Variants in OTC observed in about 807,000 individuals in gnomAD.
The protein encoded by OTC is ornithine transcarbamylase, mitochondrial.
Under a neutral mutation model 30.3 loss-of-function variants are expected in OTC, and 3 were observed. The observed-to-expected ratio is 0.10, with a 90% CI of 0.05 to 0.26. OTC has a LOEUF of 0.26. OTC is among the 10% of genes least tolerant of loss of function. The pLI, the probability that OTC is intolerant of heterozygous loss-of-function variation, is 1.00. For missense variants in OTC, 194 were observed against 260.3 expected, an observed-to-expected ratio of 0.75 and a Z score of 1.75; for synonymous variants, 111 against 99.7, an observed-to-expected ratio of 1.11 and a Z score of -0.67.
chrX:38,344,240 TACAC>T, the OTC span, among the ~76,000 whole-genome samples: 170 of 61,714 alleles, frequency 2.8e-3, no homozygotes, highest in Non-Finnish European at 4.8e-3. Flanking sequence ...TATATATATA[TACAC>T]ACACACACAC....
intron 3 of OTC, among the ~76,000 whole-genome samples, chrX:38,375,955 C>A (rs141403772): frequency 0.022 from 2,461 of 111,572 alleles, 64 homozygotes; most frequent in African/African-American, 0.076. Context: ...TGAGAAGGAG[C>A]AACTACCAAG....
chrX:38,354,416 GAATA>G (rs1326254356), intron 1 of OTC, among the ~76,000 whole-genome samples: 1 of 106,854 alleles, frequency 9.4e-6, no homozygotes, highest in African/African-American at 3.3e-5. Context: ...CCAACTGAAT[GAATA>G]ATCAAAGCCT....
intron 1 of OTC, among the ~76,000 whole-genome samples, chrX:38,359,997 A>G (rs1330872138): frequency 1.9e-5 from 2 of 104,263 alleles, no homozygotes; most frequent in East Asian, 3.0e-4. Context: ...AGCTTACTGC[A>G]ACCTCTGCCT....
intron 4 of OTC, among the ~76,000 whole-genome samples, chrX:38,383,842 T>C (rs1438621554): frequency 1.8e-5 from 2 of 109,244 alleles, no homozygotes; most frequent in Non-Finnish European, 3.8e-5. Flanking sequence ...AAAGAAAACA[T>C]TGACAACATT....
chrX:38,406,134 G>C (rs1312817495), intron 6 of OTC, among the ~76,000 whole-genome samples: 1 of 111,774 alleles, frequency 8.9e-6, no homozygotes. Context: ...GTTTTGCAAA[G>C]TCTTCTGGAA....
chrX:38,395,113 C>T (rs1456184614), intron 4 of OTC, among the ~76,000 whole-genome samples: 1 of 110,923 alleles, frequency 9.0e-6, no homozygotes, highest in Non-Finnish European at 1.9e-5. Flanking sequence ...GCTGAGACTA[C>T]AGTCGCATGC....
rs919205114 is a variant in OTC at position 38,404,275 on chromosome X, C to A, written c.663+535C>A. On this transcript the variant is annotated intron_variant, in intron 6 of 9. Transcript: ENST00000039007. ...CACATGGCTATGAAAATGACCCCTG[C>A]ATACTTCCTACCTTGCTGCTCTCTC... Among the ~76,000 whole-genome samples the A allele has an allele frequency of 9.8e-5, 11 of 112,322 alleles. No homozygotes were observed. In the East Asian group the frequency reaches 2.8e-3, roughly 29 times the overall value.
At chrX:38,376,150 T>A (rs2068346834) in intron 3 of OTC, among the ~76,000 whole-genome samples, 1 of 106,137 alleles carries the variant, frequency 9.4e-6, no homozygotes, top group Admixed American at 1.1e-4. Flanking sequence ...GGTGCAGCAG[T>A]GGTAGGGGAC....
At chrX:38,335,119 C>T in the OTC span, among the ~76,000 whole-genome samples, 5 of 112,081 alleles carry the variant, frequency 4.5e-5, no homozygotes, top group African/African-American at 1.6e-4. Flanking sequence ...AGGCTGGGGG[C>T]CACTGCCCTA....
At chrX:38,348,366 TCTTC>T (rs2068199076), upstream of OTC, among the ~76,000 whole-genome samples, 1 of 111,183 alleles carries the variant, frequency 9.0e-6, no homozygotes, top group Admixed American at 9.6e-5. Context: ...ACTTTAATAA[TCTTC>T]CTTTGACTAC....
intron 4 of OTC, among the ~76,000 whole-genome samples, chrX:38,387,539 G>A (rs773581023): frequency 6.3e-5 from 7 of 111,428 alleles, no homozygotes; most frequent in Admixed American, 2.9e-4. Flanking sequence ...GTGACTGAAG[G>A]GGAGCACTGA....
chrX:38,360,876 A>C (rs750690420), intron 1 of OTC, among the ~76,000 whole-genome samples: 2 of 112,245 alleles, frequency 1.8e-5, no homozygotes, highest in African/African-American at 6.5e-5. Context: ...CAATTACATC[A>C]CTTCTTTCAA....
chrX:38,339,197 A>T, the OTC span, among the ~76,000 whole-genome samples: 5 of 111,817 alleles, frequency 4.5e-5, no homozygotes, highest in Non-Finnish European at 9.4e-5. Context: ...ACCTAATCTT[A>T]AGGAAATCAC....
At chrX:38,396,113 C>G (rs181033172) in intron 4 of OTC, among the ~76,000 whole-genome samples, 1 of 92,283 alleles carries the variant, frequency 1.1e-5, no homozygotes, top group Non-Finnish European at 2.3e-5. Flanking sequence ...CCACCACGCC[C>G]GGCTAATTTT....
At chrX:38,359,914 C>CTTTTTTT (rs57184116) in intron 1 of OTC, among the ~76,000 whole-genome samples, 10 of 94,495 alleles carry the variant, frequency 1.1e-4, no homozygotes, top group Admixed American at 2.3e-4. Context: ...TTCTTTCTTT[C>CTTTTTTT]TTTTTTTTTT....
chrX:38,406,436 C>A (rs756843770), intron 6 of OTC, among the ~76,000 whole-genome samples: 4 of 111,735 alleles, frequency 3.6e-5, no homozygotes, highest in Non-Finnish European at 5.6e-5. Context: ...TAATCACCTT[C>A]TTTGTCTGGT....
chrX:38,380,377 A>G (rs2068369576), intron 3 of OTC, among the ~76,000 whole-genome samples: 1 of 112,453 alleles, frequency 8.9e-6, no homozygotes, highest in Non-Finnish European at 1.9e-5. Context: ...TAAGGAGGGG[A>G]AAAGTAATGT....
intron 1 of OTC, among the ~76,000 whole-genome samples, chrX:38,355,974 G>T (rs768767224): frequency 1.9e-4 from 20 of 107,024 alleles, no homozygotes; most frequent in African/African-American, 6.9e-4. Flanking sequence ...CTTGAACCTG[G>T]GAGGCGGAGG....
intron 4 of OTC, among the ~76,000 whole-genome samples, chrX:38,388,342 T>C (rs2068414008): frequency 9.0e-6 from 1 of 111,516 alleles, no homozygotes; most frequent in Admixed American, 9.5e-5. Context: ...ACACAAAACA[T>C]ACACATAGAT....
Sources: allele counts gnomAD v4.1 joint callset (sites outside exome capture counted in the v4.1 genomes callset), GRCh38; gene constraint gnomAD v4.1.1; transcripts MANE v1.5; gene names NCBI Gene and HGNC (gene_info 2026-07-23, HGNC 2026-07-21).